TYW1B: variants seen among roughly 807,000 people sequenced by gnomAD.
TYW1B encodes S-adenosyl-L-methionine-dependent tRNA 4-demethylwyosine synthase TYW1B.
TYW1B carries 73 observed loss-of-function variants against 86.9 expected under a neutral mutation model. That is an observed-to-expected ratio of 0.84 (90% CI 0.70 to 1.02). TYW1B has a LOEUF of 1.02. TYW1B is among the 50% of genes least tolerant of loss of function. The probability of loss-of-function intolerance (pLI) is 0.00; values close to 1 mark genes in which losing one functional copy is unlikely to be tolerated. For synonymous variants in TYW1B, 248 were observed against 292.8 expected, an observed-to-expected ratio of 0.85 and a Z score of 1.56; for missense variants, 637 against 827.4, an observed-to-expected ratio of 0.77 and a Z score of 2.82.
Position 72,659,045 on chromosome 7 carries a change from G to T in TYW1B, c.1507-30048C>A, listed in dbSNP as rs1209057360. On this transcript the variant is annotated intron_variant, in intron 11 of 13. Coordinates refer to ENST00000620995, the MANE Select transcript of TYW1B (RefSeq NM_001145440.3). Reference sequence around the variant, plus strand: ...CATAAACATAAGATTTAAAAAGCATGCATTCAGCATGTATTACCTTAATCA... The same window carrying T: ...CATAAACATAAGATTTAAAAAGCATTCATTCAGCATGTATTACCTTAATCA... Among the ~76,000 whole-genome samples the T allele has an allele frequency of 3.3e-5, 5 of 152,124 alleles. No individual in the cohort carries two copies. In the East Asian group the frequency reaches 9.6e-4, roughly 29 times the overall value.
At chr7:72,608,849 C>T (rs1472646778) in intron 13 of TYW1B, among the ~76,000 whole-genome samples, 2 of 152,122 alleles carry the variant, frequency 1.3e-5, no homozygotes, top group Non-Finnish European at 2.9e-5. Context: ...TATCGGACTA[C>T]AAAGGAATAG....
Position 72,704,277 on chromosome 7 carries a change from G to T in TYW1B, c.1370+9344C>A, listed in dbSNP as rs149770443. On this transcript the variant is annotated intron_variant, in intron 10 of 13. Coordinates refer to ENST00000620995, the MANE Select transcript of TYW1B (RefSeq NM_001145440.3). ...GGTGAAACCCTGTCTCTACTATAAA[G>T]ACAAAAATTAGCTGGGCATGGTGGT... 6.0e-3 allele frequency among the ~76,000 whole-genome samples: 912 copies of T among 151,358 alleles called. 12 individuals are homozygous for T. The highest frequency in any genetic ancestry group is 0.021 in the African/African-American group (865 of 41,240).
intron 1 of TYW1B, among the ~76,000 whole-genome samples, 193 bp downstream of exon 1, chr7:72,827,879 G>A (rs1365964560): frequency 2.0e-5 from 3 of 152,212 alleles, no homozygotes; most frequent in Admixed American, 6.5e-5. Flanking sequence ...TAACCCCCTA[G>A]CCTCAAAAGG....
chr7:72,665,394 C>T (rs1813437955), intron 11 of TYW1B, among the ~76,000 whole-genome samples: 1 of 152,192 alleles, frequency 6.6e-6, no homozygotes, highest in African/African-American at 2.4e-5. Flanking sequence ...ACTGTATCAA[C>T]CTCTGGTTCA....
chr7:72,678,393 G>A (rs1813785480), intron 11 of TYW1B, among the ~76,000 whole-genome samples: 1 of 152,130 alleles, frequency 6.6e-6, no homozygotes, highest in Non-Finnish European at 1.5e-5. Context: ...TCAACATAGA[G>A]AAGCCCATTA....
intron 10 of TYW1B, among the ~76,000 whole-genome samples, chr7:72,705,757 G>A (rs527296687): frequency 6.6e-6 from 1 of 152,130 alleles, no homozygotes; most frequent in African/African-American, 2.4e-5. Flanking sequence ...CACAAGATAA[G>A]AACAAACCAG....
At chr7:72,760,718 A>G (rs1787672152) in intron 7 of TYW1B, among the ~76,000 whole-genome samples, 1 of 152,202 alleles carries the variant, frequency 6.6e-6, no homozygotes, top group South Asian at 2.1e-4. Flanking sequence ...TAAAATAAAA[A>G]TTAAAATATC....
At chr7:72,667,541 C>T (rs1408614215) in intron 11 of TYW1B, among the ~76,000 whole-genome samples, 6 of 152,086 alleles carry the variant, frequency 3.9e-5, no homozygotes, top group Non-Finnish European at 7.4e-5. Flanking sequence ...CGGCAAAACC[C>T]TGTCTCTATA....
chr7:72,716,463 G>A (rs1300964726), intron 9 of TYW1B, among the ~76,000 whole-genome samples: 3 of 152,178 alleles, frequency 2.0e-5, no homozygotes, highest in East Asian at 1.9e-4. Context: ...GAACGTGGGC[G>A]AAATAAAGTT....
intron 4 of TYW1B, among the ~76,000 whole-genome samples, chr7:72,809,872 T>C (rs1554477589): frequency 6.6e-6 from 1 of 151,522 alleles, no homozygotes. Flanking sequence ...TGGTGGTGGG[T>C]GCCTGTAATC....
intron 6 of TYW1B, among the ~76,000 whole-genome samples, chr7:72,789,827 T>C (rs1563094739): frequency 6.7e-6 from 1 of 149,982 alleles, no homozygotes; most frequent in East Asian, 2.0e-4. Context: ...TAATCCAATA[T>C]AAAAATAGAT....
intron 9 of TYW1B, among the ~76,000 whole-genome samples, chr7:72,727,550 C>G (rs1787023047): frequency 6.6e-6 from 1 of 152,156 alleles, no homozygotes; most frequent in African/African-American, 2.4e-5. Flanking sequence ...TCTCAGGTGG[C>G]TCACACCTGT....
chr7:72,584,106 G>A (rs1811218824), intron 13 of TYW1B, among the ~76,000 whole-genome samples: 1 of 152,214 alleles, frequency 6.6e-6, no homozygotes, highest in Non-Finnish European at 1.5e-5. Flanking sequence ...GAGTGCAGTT[G>A]TGCAATCATA....
In TYW1B at chr7:72,723,357, G is replaced by A. The variant is rs540566158; in HGVS notation, c.1192+5465C>T. ...TACCAGGAATATCACAAACTACGAA[G>A]GAAATGCCTTCAAGCCTTTGAAATT... On this transcript the variant is annotated intron_variant, in intron 9 of 13. Transcript: ENST00000620995. Among the ~76,000 whole-genome samples, 17 of 152,180 alleles carry A rather than the reference G, an allele frequency of 1.1e-4. No individual in the cohort carries two copies. In the South Asian group the frequency reaches 3.5e-3, roughly 32 times the overall value.
In TYW1B at chr7:72,574,611, C is replaced by T. The variant is rs1810976600; in HGVS notation, c.*887G>A. On this transcript the variant is annotated 3_prime_UTR_variant, in exon 14 of 14. Transcript: ENST00000620995. ...CAATTTTGAGTATTTATGATCTTTC[C>T]AACTTGAAAACACCTGAACCTTATA... 1 of 985,168 alleles carries T rather than the reference C, an allele frequency of 1.0e-6. No homozygotes were observed. Among genetic ancestry groups the T allele is most frequent in the Admixed American group, 6.2e-5 (1 of 16,246 alleles). The allele number at this position is 985,168 out of a possible 1,614,324, so 61.0% of individuals were successfully genotyped here. A position where few individuals can be genotyped will look rare whatever the true frequency, so the allele number is the denominator to read the frequency against.
At chr7:72,735,941 T>A (rs1212442919) in intron 8 of TYW1B, among the ~76,000 whole-genome samples, 2 of 152,108 alleles carry the variant, frequency 1.3e-5, no homozygotes, top group African/African-American at 4.8e-5. Context: ...TTTGCTATAC[T>A]CACAGAGTTG....
At chr7:72,806,050 T>G (rs965791853) in intron 5 of TYW1B, among the ~76,000 whole-genome samples, 8 of 151,984 alleles carry the variant, frequency 5.3e-5, no homozygotes, top group Non-Finnish European at 1.0e-4. Context: ...GCCTTCAGTT[T>G]GAGTGACTAA....
chr7:72,721,209 G>A (rs1206604433), intron 9 of TYW1B, among the ~76,000 whole-genome samples: 1 of 152,150 alleles, frequency 6.6e-6, no homozygotes, highest in African/African-American at 2.4e-5. Flanking sequence ...ACAAACATAC[G>A]TGTACATGTG....
At chr7:72,577,448 T>G (rs782154454) in intron 13 of TYW1B, among the ~76,000 whole-genome samples, 28 of 152,160 alleles carry the variant, frequency 1.8e-4, no homozygotes, top group African/African-American at 2.9e-4. Context: ...TCACCATCAT[T>G]CTCTCTCCCA....
Sources: allele counts gnomAD v4.1 joint callset (sites outside exome capture counted in the v4.1 genomes callset), GRCh38; gene constraint gnomAD v4.1.1; transcripts MANE v1.5; gene names NCBI Gene and HGNC (gene_info 2026-07-23, HGNC 2026-07-21).